Variants in NFATC1 observed in about 807,000 individuals in gnomAD.
NFATC1 encodes the protein nuclear factor of activated T cells 1, also known as nuclear factor of activated T-cells, cytoplasmic 1.
A neutral mutation model predicts 76.0 loss-of-function variants in NFATC1; 22 were observed. The observed-to-expected ratio is 0.29, with a 90% CI of 0.21 to 0.41. The LOEUF is 0.41. Among genes scored for constraint, NFATC1 ranks in the 10% least tolerant of loss-of-function variants. NFATC1 has a pLI of 1.00. For missense variants in NFATC1, 1,357 were observed against 1,337.7 expected (o/e 1.01, Z -0.23); for synonymous variants, 704 against 613.1 (o/e 1.15, Z -2.19).
At chr18:79,419,364 G>A (rs1294183290) in intron 2 of NFATC1, among the ~76,000 whole-genome samples, 1 of 152,178 alleles carries the variant, frequency 6.6e-6, no homozygotes, top group East Asian at 1.9e-4. Context: ...TCTCACCGAA[G>A]ACCGAGTGCC....
intron 6 of NFATC1, among the ~76,000 whole-genome samples, chr18:79,459,402 G>A (rs1484113878): frequency 6.6e-6 from 1 of 152,214 alleles, no homozygotes; most frequent in East Asian, 1.9e-4. Context: ...GGAGACGGCT[G>A]GAGTCCCTCT....
chr18:79,460,934 G>A (rs1028012546), intron 6 of NFATC1, among the ~76,000 whole-genome samples: 2 of 152,192 alleles, frequency 1.3e-5, no homozygotes, highest in East Asian at 1.9e-4. Flanking sequence ...TGGAGAGGAC[G>A]AGGGCATAGA....
intron 9 of NFATC1, chr18:79,527,290 C>A: frequency 2.0e-6 from 1 of 494,938 alleles, no homozygotes; most frequent in South Asian, 2.7e-5. Flanking sequence ...CAGAGACGTG[C>A]TGGTACCGTG....
In NFATC1 at chr18:79,451,142, C is replaced by T. The variant is rs186491941; in HGVS notation, c.1762+16C>T. ...ATCGAATGCTGTAAGTGGACGTCCA[C>T]GCGCCCACAGGGGAGGAAACCGTCC... is the stretch of plus-strand genomic sequence containing the variant. On this transcript the variant is annotated intron_variant, in intron 5 of 9. Transcript: ENST00000427363. The T allele has an allele frequency of 6.4e-5, 103 of 1,600,122 alleles. No homozygotes were observed. The Admixed American group carries it at 1.2e-3, about 18-fold the overall frequency.
At chr18:79,397,140 T>G (rs1428487077) in intron 1 of NFATC1, among the ~76,000 whole-genome samples, 1 of 152,084 alleles carries the variant, frequency 6.6e-6, no homozygotes, top group East Asian at 1.9e-4. Context: ...CCTTAGCCCG[T>G]CCCCGGCACA....
intron 1 of NFATC1, chr18:79,402,258 C>A: frequency 1.1e-6 from 1 of 890,680 alleles, no homozygotes; most frequent in Non-Finnish European, 1.3e-6. Flanking sequence ...CCTAGTCTCA[C>A]AAGGACGCCA....
At chr18:79,500,774 G>A (rs530898726) in intron 9 of NFATC1, among the ~76,000 whole-genome samples, 79 of 152,138 alleles carry the variant, frequency 5.2e-4, no homozygotes, top group African/African-American at 1.7e-3. Flanking sequence ...TCTTAGACAC[G>A]AATTACCTAA....
At chr18:79,446,413 G>T (rs1018642281) in intron 3 of NFATC1, among the ~76,000 whole-genome samples, 3 of 151,588 alleles carry the variant, frequency 2.0e-5, no homozygotes, top group Non-Finnish European at 4.4e-5. Context: ...AGGTGGTTTT[G>T]GTCAGCGACT....
At chr18:79,409,749 T>C (rs1373391829) in intron 1 of NFATC1, among the ~76,000 whole-genome samples, 3 of 152,256 alleles carry the variant, frequency 2.0e-5, no homozygotes, top group African/African-American at 7.2e-5. Flanking sequence ...ACACATTTTA[T>C]GTGCCAGGCA....
At chr18:79,416,200 G>T (rs1470739252) in intron 2 of NFATC1, among the ~76,000 whole-genome samples, 1 of 152,238 alleles carries the variant, frequency 6.6e-6, no homozygotes, top group African/African-American at 2.4e-5. Context: ...ACTCTCTTGT[G>T]TTTCATAAGT....
intron 9 of NFATC1, among the ~76,000 whole-genome samples, chr18:79,504,007 C>T (rs2090070054): frequency 1.3e-5 from 2 of 152,202 alleles, no homozygotes; most frequent in African/African-American, 4.8e-5. Flanking sequence ...GAGCGAGGGT[C>T]TTGGTCTGGA....
chr18:79,513,415 C>T (rs1344159394), intron 9 of NFATC1, among the ~76,000 whole-genome samples: 2 of 152,236 alleles, frequency 1.3e-5, no homozygotes, highest in African/African-American at 4.8e-5. Context: ...TCCCACCCAC[C>T]TTCCCAGATA....
At chr18:79,427,387 G>A (rs2086380778) in intron 2 of NFATC1, among the ~76,000 whole-genome samples, 1 of 128,648 alleles carries the variant, frequency 7.8e-6, no homozygotes, top group Admixed American at 7.3e-5. Flanking sequence ...CCTCTGTGCA[G>A]TGGGTTGGGG....
chr18:79,403,530 A>C (rs940733983), intron 1 of NFATC1, among the ~76,000 whole-genome samples: 17 of 152,184 alleles, frequency 1.1e-4, no homozygotes, highest in African/African-American at 3.6e-4. Context: ...TTCCCGCCCC[A>C]GGGCTCCTGT....
intron 9 of NFATC1, among the ~76,000 whole-genome samples, chr18:79,504,579 G>C (rs1200884571): frequency 6.6e-6 from 1 of 152,254 alleles, no homozygotes; most frequent in Non-Finnish European, 1.5e-5. Flanking sequence ...GGAACATCAT[G>C]AGCATTATTG....
At chr18:79,526,205 C>A (rs2090758842) in intron 9 of NFATC1, among the ~76,000 whole-genome samples, 1 of 152,254 alleles carries the variant, frequency 6.6e-6, no homozygotes, top group Non-Finnish European at 1.5e-5. Context: ...CCGGGAGCAG[C>A]CTGCGAGCAC....
chr18:79,490,547 C>T (rs926519193), intron 9 of NFATC1, among the ~76,000 whole-genome samples: 2 of 152,166 alleles, frequency 1.3e-5, no homozygotes, highest in Non-Finnish European at 2.9e-5. Flanking sequence ...CAGGTTCCTC[C>T]TGAGCACCTG....
chr18:79,444,810 C>T (rs962801541), intron 3 of NFATC1, among the ~76,000 whole-genome samples: 1 of 152,230 alleles, frequency 6.6e-6, no homozygotes, highest in Non-Finnish European at 1.5e-5. Flanking sequence ...CATGCCTGCA[C>T]ACGCACACTT....
intron 8 of NFATC1, among the ~76,000 whole-genome samples, chr18:79,483,338 C>CGTG: frequency 8.1e-6 from 1 of 123,972 alleles, no homozygotes; most frequent in Admixed American, 8.3e-5. Flanking sequence ...GTCATTCCGG[C>CGTG]ATGACCTGGT....
Sources: gnomAD v4.1 joint callset for allele counts (sites outside exome capture counted in the v4.1 genomes callset) on GRCh38, gnomAD v4.1.1 for gene constraint, MANE v1.5 for transcripts, NCBI Gene and HGNC (gene_info 2026-07-23, HGNC 2026-07-21) for gene names.